The following RERE variants were observed in gnomAD, a reference collection of about 807,000 sequenced individuals.
The protein encoded by RERE is arginine-glutamic acid dipeptide repeats.
Under a neutral mutation model 146.1 loss-of-function variants are expected in RERE, and 40 were observed. The ratio of observed to expected loss-of-function variants is 0.27; its 90% CI spans 0.21 to 0.36. The LOEUF is 0.36. Among genes scored for constraint, RERE ranks in the 10% least tolerant of loss-of-function variants. The pLI is 1.00. For synonymous variants in RERE, 1,003 were observed against 866.0 expected (o/e 1.16, Z -2.78); for missense variants, 1,933 against 2,138.7 (o/e 0.90, Z 1.90).
intron 4 of RERE, among the ~76,000 whole-genome samples, chr1:8,557,966 C>G (rs547870036): frequency 6.6e-6 from 1 of 152,294 alleles, no homozygotes; most frequent in East Asian, 1.9e-4. Flanking sequence ...ACTTACCCCA[C>G]AAGGCCTGGC....
rs562763509 is a variant in RERE, at chr1:8,486,075, G to A, written c.1104+8988C>T. 1.3e-4 allele frequency among the ~76,000 whole-genome samples: 20 copies of A among 152,212 alleles called. No homozygotes were observed. The South Asian group carries it at 3.9e-3, about 30-fold the overall frequency. ...GGCCTCCCAAAGTGCTGGAATTACA[G>A]GCGTAAGCCACCGCGCCTGGCCTAC... On this transcript the variant is annotated intron_variant, in intron 10 of 22. Transcript: ENST00000400908.
chr1:8,739,752 C>G (rs10864365), intron 1 of RERE, among the ~76,000 whole-genome samples: 1 of 151,972 alleles, frequency 6.6e-6, no homozygotes, highest in East Asian at 1.9e-4. Context: ...GTCATCAAGT[C>G]CCACAGGTCC....
intron 11 of RERE, among the ~76,000 whole-genome samples, chr1:8,444,620 G>C (rs1181535111): frequency 6.6e-6 from 1 of 152,218 alleles, no homozygotes; most frequent in African/African-American, 2.4e-5. Context: ...CAATGTCGGA[G>C]ATGGGGCCTG....
At chr1:8,629,550 T>C (rs1395527526) in intron 2 of RERE, among the ~76,000 whole-genome samples, 1 of 152,164 alleles carries the variant, frequency 6.6e-6, no homozygotes, top group Non-Finnish European at 1.5e-5. Context: ...TATGTAAATA[T>C]AGCAAAAGCA....
At chr1:8,535,893 G>C (rs1304869607) in intron 7 of RERE, among the ~76,000 whole-genome samples, 1 of 151,968 alleles carries the variant, frequency 6.6e-6, no homozygotes, top group Non-Finnish European at 1.5e-5. Flanking sequence ...AGATCACGAG[G>C]TCAAGAGATG....
chr1:8,754,919 CT>C (rs1640607329), intron 1 of RERE, among the ~76,000 whole-genome samples: 1 of 152,234 alleles, frequency 6.6e-6, no homozygotes. Context: ...TAATTCCCCT[CT>C]TTCTAGAATT....
At chr1:8,682,406 C>A (rs1469849719) in intron 1 of RERE, among the ~76,000 whole-genome samples, 1 of 152,194 alleles carries the variant, frequency 6.6e-6, no homozygotes, top group Non-Finnish European at 1.5e-5. Context: ...TTCTGAGGTA[C>A]TATGAAAATA....
intron 12 of RERE, among the ~76,000 whole-genome samples, chr1:8,384,401 C>T (rs562281229): frequency 6.6e-6 from 1 of 152,118 alleles, no homozygotes; most frequent in Non-Finnish European, 1.5e-5. Context: ...TCTCTGGATG[C>T]CATGAGGTAC....
At chr1:8,397,051 C>G (rs1181968222) in intron 12 of RERE, among the ~76,000 whole-genome samples, 4 of 152,180 alleles carry the variant, frequency 2.6e-5, no homozygotes, top group Non-Finnish European at 4.4e-5. Context: ...GGAGGAGAAA[C>G]AGGAGCTGAT....
In RERE at chr1:8,361,344, A is replaced by G. The variant is rs759024576; in HGVS notation, c.2163T>C (p.Asn721=). The G allele has an allele frequency of 6.2e-7, 1 of 1,612,996 alleles. No homozygotes were observed. The highest frequency in any genetic ancestry group is 1.7e-5 in the Admixed American group (1 of 59,906). The change falls in exon 18 of 23, where the codon AAT becomes AAC. Residue 721 remains asparagine (N), a synonymous_variant. Coordinates refer to ENST00000400908, the MANE Select transcript of RERE (RefSeq NM_001042681.2). ...TSPSIPSPQD[N]ESDSDSSAQQ... ...GGGCTGACGAGTCCGAGTCACTCTC[A>G]TTGTCCTGGGGGCTGGGGATGCTCG...
intron 1 of RERE, among the ~76,000 whole-genome samples, chr1:8,669,000 GAATATTCTAAAATGCACTCAACTC>G (rs1258807711): frequency 7.0e-5 from 3 of 42,604 alleles, no homozygotes; most frequent in Admixed American, 2.5e-4. Flanking sequence ...TGTCTTCTGT[GAATATTCTAAAATGCACTCAACTC>G]TGTGTGTGTG....
Position 8,660,395 on chromosome 1 carries a change from C to T in RERE, c.-144-3954G>A, listed in dbSNP as rs556694176. 2.3e-3 allele frequency among the ~76,000 whole-genome samples: 346 copies of T among 152,332 alleles called. 1 individual carries two copies. The highest frequency in any genetic ancestry group is 3.5e-3 in the Admixed American group (54 of 15,298). ...ATGATCTACAAAGTAGACGATACAA[C>T]AACAGCATCTTTATTATAGCACCAT... On this transcript the variant is annotated intron_variant, in intron 1 of 22. Coordinates refer to ENST00000400908, the MANE Select transcript of RERE (RefSeq NM_001042681.2).
intron 1 of RERE, among the ~76,000 whole-genome samples, chr1:8,745,579 G>A (rs538465335): frequency 2.3e-4 from 35 of 152,088 alleles, no homozygotes; most frequent in Non-Finnish European, 4.4e-4. Context: ...AAGGAGGTGC[G>A]ATGACATTAT....
intron 1 of RERE, among the ~76,000 whole-genome samples, chr1:8,772,884 T>C (rs1019389699): frequency 2.6e-5 from 4 of 151,642 alleles, no homozygotes; most frequent in African/African-American, 9.7e-5. Flanking sequence ...AGGCCAGGAG[T>C]TCAAGGCCAG....
chr1:8,603,766 G>A (rs890128705), intron 4 of RERE, among the ~76,000 whole-genome samples: 1 of 151,818 alleles, frequency 6.6e-6, no homozygotes, highest in African/African-American at 2.4e-5. Context: ...CTCAACGTAA[G>A]CAACATAAGG....
At chr1:8,544,971 C>T (rs946520720) in intron 6 of RERE, among the ~76,000 whole-genome samples, 2 of 152,128 alleles carry the variant, frequency 1.3e-5, no homozygotes, top group Admixed American at 1.3e-4. Flanking sequence ...ACAGTGTTTA[C>T]CTTTAAAAAT....
At chr1:8,597,784 G>T (rs1172490613) in intron 4 of RERE, among the ~76,000 whole-genome samples, 1 of 43,754 alleles carries the variant, frequency 2.3e-5, no homozygotes, top group Non-Finnish European at 4.4e-5. Context: ...CATTTCACTG[G>T]ATTTTTTTTT....
chr1:8,810,543 G>C (rs576676241), intron 1 of RERE, among the ~76,000 whole-genome samples: 1 of 152,266 alleles, frequency 6.6e-6, no homozygotes, highest in Non-Finnish European at 1.5e-5. Flanking sequence ...GGGGGTCAAG[G>C]CTGCAGTGAG....
At chr1:8,383,058 T>C (rs1482603357) in intron 12 of RERE, among the ~76,000 whole-genome samples, 6 of 150,738 alleles carry the variant, frequency 4.0e-5, no homozygotes, top group Non-Finnish European at 4.4e-5. Context: ...TGCAACCAAC[T>C]TCCTTCCTCT....
Sources: allele counts gnomAD v4.1 joint callset (sites outside exome capture counted in the v4.1 genomes callset), GRCh38; gene constraint gnomAD v4.1.1; transcripts MANE v1.5; gene names NCBI Gene and HGNC (gene_info 2026-07-23, HGNC 2026-07-21).